Variants in HS3ST4 observed in about 807,000 individuals in gnomAD.
HS3ST4 encodes heparan sulfate-glucosamine 3-sulfotransferase 4.
Under a neutral mutation model 29.2 loss-of-function variants are expected in HS3ST4, and 17 were observed. The observed-to-expected ratio is 0.58, with a 90% CI of 0.40 to 0.87. The LOEUF (loss-of-function observed/expected upper bound fraction) is 0.87, where lower values mean the gene tolerates loss of function less well. Among genes scored for constraint, HS3ST4 ranks in the 40% least tolerant of loss-of-function variants. The pLI is 0.00. For synonymous variants in HS3ST4, 314 were observed against 285.7 expected, an observed-to-expected ratio of 1.10 and a Z score of -1.00; for missense variants, 627 against 634.5, an observed-to-expected ratio of 0.99 and a Z score of 0.13.
At chr16:25,739,733 G>A (rs1326549012) in intron 1 of HS3ST4, among the ~76,000 whole-genome samples, 14 of 152,174 alleles carry the variant, frequency 9.2e-5, no homozygotes, top group Admixed American at 9.2e-4. Context: ...GGTAGTACAT[G>A]GGAAAGATGA....
intron 1 of HS3ST4, among the ~76,000 whole-genome samples, chr16:26,109,136 G>A (rs570307241): frequency 1.3e-5 from 2 of 152,160 alleles, no homozygotes; most frequent in South Asian, 2.1e-4. Flanking sequence ...TGCACTCTCC[G>A]GCAAAATGAA....
intron 1 of HS3ST4, among the ~76,000 whole-genome samples, chr16:25,801,138 C>CT (rs1355381701): frequency 6.6e-6 from 1 of 152,022 alleles, no homozygotes; most frequent in Non-Finnish European, 1.5e-5. Flanking sequence ...TGCCGCTGGT[C>CT]TGGGGGATTC....
chr16:25,892,447 A>G (rs1968018977), intron 1 of HS3ST4, among the ~76,000 whole-genome samples: 1 of 152,210 alleles, frequency 6.6e-6, no homozygotes, highest in Non-Finnish European at 1.5e-5. Flanking sequence ...GAACTAAGCC[A>G]TGTTAAGTCA....
chr16:26,115,243 G>A (rs1007210099), intron 1 of HS3ST4, among the ~76,000 whole-genome samples: 7 of 134,156 alleles, frequency 5.2e-5, no homozygotes, highest in Non-Finnish European at 1.2e-4. Context: ...GTGTATGTGT[G>A]TGTATATATA....
At chr16:26,077,297 A>G (rs1898674435) in intron 1 of HS3ST4, among the ~76,000 whole-genome samples, 1 of 152,232 alleles carries the variant, frequency 6.6e-6, no homozygotes, top group African/African-American at 2.4e-5. Context: ...ACTTTATGTG[A>G]CATTGCTTTG....
In HS3ST4 at chr16:25,904,926, C is replaced by T. The variant is rs901416311; in HGVS notation, c.734+211775C>T. 2.0e-5 allele frequency among the ~76,000 whole-genome samples: 3 copies of T among 152,116 alleles called. No homozygotes were observed. In the East Asian group the frequency reaches 5.8e-4, roughly 29 times the overall value. Reference sequence around the variant, plus strand: ...AATGTTAGCTCTTATTATAAATTTCCTCATATGTGAATTCCTCCTGTCCTC... The same window carrying T: ...AATGTTAGCTCTTATTATAAATTTCTTCATATGTGAATTCCTCCTGTCCTC... On this transcript the variant is annotated intron_variant, in intron 1 of 1. Coordinates refer to ENST00000331351, the MANE Select transcript of HS3ST4 (RefSeq NM_006040.3).
chr16:25,705,016 G>A (rs962887151), intron 1 of HS3ST4, among the ~76,000 whole-genome samples: 3 of 152,070 alleles, frequency 2.0e-5, no homozygotes, highest in Admixed American at 2.0e-4. Context: ...CACCGCACCC[G>A]GCCCTGGGTG....
intron 1 of HS3ST4, among the ~76,000 whole-genome samples, chr16:25,952,726 A>G (rs1295697749): frequency 6.6e-6 from 1 of 152,170 alleles, no homozygotes; most frequent in Non-Finnish European, 1.5e-5. Flanking sequence ...TATCCTATCC[A>G]CCAAAGCCTT....
chr16:25,891,230 G>C (rs1327000539), intron 1 of HS3ST4, among the ~76,000 whole-genome samples: 1 of 152,106 alleles, frequency 6.6e-6, no homozygotes, highest in African/African-American at 2.4e-5. Context: ...CTATAGACTG[G>C]GTATATATAA....
intron 1 of HS3ST4, among the ~76,000 whole-genome samples, chr16:26,026,777 G>C (rs1969479795): frequency 6.6e-6 from 1 of 152,194 alleles, no homozygotes; most frequent in East Asian, 1.9e-4. Flanking sequence ...GGACCAATCA[G>C]ATGTACGCTC....
intron 1 of HS3ST4, among the ~76,000 whole-genome samples, chr16:25,699,632 A>G (rs1966321469): frequency 1.3e-5 from 2 of 152,220 alleles, no homozygotes; most frequent in South Asian, 2.1e-4. Flanking sequence ...TGATGAAGGT[A>G]TTTTAACTCC....
intron 1 of HS3ST4, among the ~76,000 whole-genome samples, chr16:26,058,970 G>A (rs1898443743): frequency 6.6e-6 from 1 of 152,174 alleles, no homozygotes; most frequent in Non-Finnish European, 1.5e-5. Flanking sequence ...AGGAAGGTGG[G>A]TTCTGGCTTT....
rs945967341 is a variant in HS3ST4, at chr16:26,132,558, A to G, written c.735-3054A>G. On this transcript the variant is annotated intron_variant, in intron 1 of 1. Coordinates refer to ENST00000331351, the MANE Select transcript of HS3ST4 (RefSeq NM_006040.3). ...TACTCTGCTAAATCTACCAGCTTAT[A>G]TGTTGGGTACCATTTTGTCCCAGAT... Among the ~76,000 whole-genome samples, 29 of 152,168 alleles carry G rather than the reference A, an allele frequency of 1.9e-4. 1 individual carries two copies. Among genetic ancestry groups the G allele is most frequent in the African/African-American group, 7.0e-4 (29 of 41,446 alleles).
intron 1 of HS3ST4, among the ~76,000 whole-genome samples, chr16:26,028,580 G>A (rs539817229): frequency 6.6e-6 from 1 of 152,102 alleles, no homozygotes; most frequent in South Asian, 2.1e-4. Flanking sequence ...CCTGAGAGAG[G>A]CTTCTTGATC....
Position 25,769,897 on chromosome 16 carries a change from A to G in HS3ST4, c.734+76746A>G, listed in dbSNP as rs115238915. Among the ~76,000 whole-genome samples, 1,324 of 151,926 alleles carry G rather than the reference A, an allele frequency of 8.7e-3. 23 individuals carry two copies. Among genetic ancestry groups the G allele is most frequent in the African/African-American group, 0.029 (1,182 of 41,404 alleles). On this transcript the variant is annotated intron_variant, in intron 1 of 1. Transcript: ENST00000331351. The stretch of plus-strand genomic sequence containing the variant: ...AACAAGAAGCAAAGGCAGGAGGAGA[A>G]CCCTCCCTCCTCTCTCCATCCTTCC...
chr16:25,956,452 C>T (rs1209002588), intron 1 of HS3ST4, among the ~76,000 whole-genome samples: 2 of 152,130 alleles, frequency 1.3e-5, no homozygotes, highest in Non-Finnish European at 2.9e-5. Context: ...TACTCAAAGT[C>T]CTAGGCAGAT....
intron 1 of HS3ST4, among the ~76,000 whole-genome samples, chr16:25,989,355 T>G (rs912976863): frequency 6.6e-6 from 1 of 152,166 alleles, no homozygotes; most frequent in African/African-American, 2.4e-5. Context: ...CAAACAGTGA[T>G]TTATGAAGTG....
chr16:25,903,367 A>ATATATATGTATATGTATATCT lies in HS3ST4; in HGVS notation c.734+210223_734+210224insGTATATGTATATCTTATATAT, dbSNP rs1567268748. 4.6e-3 allele frequency among the ~76,000 whole-genome samples: 275 copies of ATATATATGTATATGTATATCT among 59,150 alleles called. 1 individual carries two copies. The highest frequency in any genetic ancestry group is 0.013 in the South Asian group (16 of 1,220). The allele number at this position is 59,150 out of a possible 152,430, so 38.8% of individuals were successfully genotyped here. A position where few individuals can be genotyped will look rare whatever the true frequency, so the allele number is the denominator to read the frequency against. ...TTATATATATGTATATGTATATCTTATATATATATATATATAAAATCACAT... is the reference window on the plus strand; with the variant it reads ...TTATATATATGTATATGTATATCTTATATATATGTATATGTATATCTTATATATATATATATAAAATCACAT... On this transcript the variant is annotated intron_variant, in intron 1 of 1. Transcript: ENST00000331351.
intron 1 of HS3ST4, among the ~76,000 whole-genome samples, chr16:26,026,706 A>G (rs61111348): frequency 0.3 from 45,866 of 151,950 alleles, 10,011 homozygotes; most frequent in African/African-American, 0.62. Context: ...CCAGAATTTG[A>G]TTACACGTCC....
Sources: gnomAD v4.1 joint callset for allele counts (sites outside exome capture counted in the v4.1 genomes callset) on GRCh38, gnomAD v4.1.1 for gene constraint, MANE v1.5 for transcripts, NCBI Gene and HGNC (gene_info 2026-07-23, HGNC 2026-07-21) for gene names.